The following CACNA2D2 variants were observed in gnomAD, a reference collection of about 807,000 sequenced individuals.
CACNA2D2 encodes calcium voltage-gated channel auxiliary subunit alpha2delta 2.
In CACNA2D2, 48 loss-of-function variants were observed where a neutral mutation model predicts 166.4. The ratio of observed to expected loss-of-function variants is 0.29; its 90% confidence interval spans 0.23 to 0.37. The LOEUF (loss-of-function observed/expected upper bound fraction) is 0.37. Among genes scored for constraint, CACNA2D2 ranks in the 10% least tolerant of loss-of-function variants. The pLI is 1.00. For missense variants in CACNA2D2, 1,122 were observed against 1,433.0 expected (o/e 0.78, Z 3.50); for synonymous variants, 561 against 573.7 (o/e 0.98, Z 0.32).
intron 1 of CACNA2D2, among the ~76,000 whole-genome samples, chr3:50,476,734 A>C (rs1418805777): frequency 2.0e-5 from 3 of 152,138 alleles, no homozygotes; most frequent in Non-Finnish European, 2.9e-5. Flanking sequence ...GGAGAGTTCC[A>C]GATTAGGCAG....
intron 2 of CACNA2D2, among the ~76,000 whole-genome samples, chr3:50,475,239 A>G (rs1355499710): frequency 6.6e-6 from 1 of 152,142 alleles, no homozygotes; most frequent in African/African-American, 2.4e-5. Flanking sequence ...CAACAGGAAC[A>G]CAGTGGGTAT....
At chr3:50,502,096 A>C (rs34860383) in intron 1 of CACNA2D2, among the ~76,000 whole-genome samples, 17,505 of 152,172 alleles carry the variant, frequency 0.12, 1,146 homozygotes, top group Non-Finnish European at 0.14. Flanking sequence ...GTTTTGTGGC[A>C]GAACCAGGGG....
intron 1 of CACNA2D2, among the ~76,000 whole-genome samples, chr3:50,491,589 G>A (rs1698524497): frequency 6.6e-6 from 1 of 152,224 alleles, no homozygotes; most frequent in Non-Finnish European, 1.5e-5. Context: ...TGGAGAGGTG[G>A]GAGAATTGAG....
intron 4 of CACNA2D2, among the ~76,000 whole-genome samples, chr3:50,393,794 G>T (rs1706005011): frequency 1.3e-5 from 2 of 152,180 alleles, no homozygotes; most frequent in Non-Finnish European, 2.9e-5. Context: ...AAGTCCAAAG[G>T]CCTCTGACCC....
At chr3:50,491,595 T>C (rs117305065) in intron 1 of CACNA2D2, among the ~76,000 whole-genome samples, 2 of 152,166 alleles carry the variant, frequency 1.3e-5, no homozygotes, top group East Asian at 3.9e-4. Flanking sequence ...GGTGGGAGAA[T>C]TGAGAGTGAG....
intron 1 of CACNA2D2, 40 bp from the exon 2 acceptor site, chr3:50,476,239 C>A: frequency 6.6e-7 from 1 of 1,512,622 alleles, no homozygotes; most frequent in Non-Finnish European, 9.0e-7. Flanking sequence ...GGAGGGCCTG[C>A]CCAGAGCTGC....
chr3:50,461,993 T>G (rs1709608222), intron 2 of CACNA2D2, among the ~76,000 whole-genome samples: 1 of 152,122 alleles, frequency 6.6e-6, no homozygotes, highest in Admixed American at 6.5e-5. Context: ...AAGGTAAATT[T>G]AATTTAACAG....
intron 2 of CACNA2D2, 116 bp downstream of exon 2, chr3:50,476,002 T>C: frequency 1.2e-6 from 1 of 869,010 alleles, no homozygotes; most frequent in Non-Finnish European, 1.8e-6. Flanking sequence ...GCCCATCAGG[T>C]CCCACCACAC....
At position 50,489,709 on chromosome 3, in the gene CACNA2D2, TC is replaced by T. The variant is rs570167631; in HGVS notation, c.206+13508del. Among the ~76,000 whole-genome samples the T allele has an allele frequency of 3.4e-4, 51 of 152,116 alleles. 1 individual carries two copies. The South Asian group carries it at 1.0e-2, about 30-fold the overall frequency. On this transcript the variant is annotated intron_variant, in intron 1 of 37. Coordinates refer to ENST00000424201, the MANE Select transcript of CACNA2D2 (RefSeq NM_006030.4). ...TACTCAACTCCTGCCCCTTACCTCG[TC>T]CCCCCATCAATGGCTTATCCATGGA...
chr3:50,389,206 C>T (rs1705763940), intron 4 of CACNA2D2, among the ~76,000 whole-genome samples: 1 of 152,210 alleles, frequency 6.6e-6, no homozygotes, highest in Non-Finnish European at 1.5e-5. Context: ...CGGCCTTTCC[C>T]TGCGCCCGGC....
Position 50,364,878 on chromosome 3 carries a change from C to G in CACNA2D2, c.3291+10G>C, listed in dbSNP as rs2239801. On this transcript the variant is annotated intron_variant, in intron 37 of 37. Coordinates refer to ENST00000424201, the MANE Select transcript of CACNA2D2 (RefSeq NM_006030.4). ...CGCGGGATTTCGGGTCCACCGCCCC[C>G]TCTCCTCACTGTCGCGTTGTAGTCG... 0.11 allele frequency: 169,959 copies of G among 1,613,314 alleles called. 9,431 individuals are homozygous for G. Among genetic ancestry groups the G allele is most frequent in the Non-Finnish European group, 0.11 (132,143 of 1,179,864 alleles).
Position 50,427,176 on chromosome 3 carries a change from C to T in CACNA2D2, c.405+7137G>A, listed in dbSNP as rs759489874. Among the ~76,000 whole-genome samples, 7 of 152,230 alleles carry T rather than the reference C, an allele frequency of 4.6e-5. No individual in the cohort carries two copies. The highest frequency in any genetic ancestry group is 8.8e-5 in the Non-Finnish European group (6 of 68,030). On this transcript the variant is annotated intron_variant, in intron 3 of 37. Transcript: ENST00000424201. This position sits in a 1 kb window ranked among gnomAD's most constrained non-coding sequence, Gnocchi z 4.7. Reference sequence around the variant, plus strand: ...TCTCTGACTCCCATTCCTTGGTGGTCGCTCTGCCACCGCATGCTCCCTGGT... The same window carrying T: ...TCTCTGACTCCCATTCCTTGGTGGTTGCTCTGCCACCGCATGCTCCCTGGT...
chr3:50,488,088 T>A (rs1044828742), intron 1 of CACNA2D2, among the ~76,000 whole-genome samples: 4 of 152,128 alleles, frequency 2.6e-5, no homozygotes, highest in Admixed American at 1.3e-4. Context: ...GCCTAGGGAC[T>A]GGCCAGGTGA....
intron 2 of CACNA2D2, among the ~76,000 whole-genome samples, chr3:50,440,792 G>A (rs1338156908): frequency 6.6e-6 from 1 of 152,092 alleles, no homozygotes; most frequent in African/African-American, 2.4e-5. Flanking sequence ...TATCCAGAGG[G>A]GACAGATGCC....
chr3:50,453,688 C>T (rs190012178), intron 2 of CACNA2D2, among the ~76,000 whole-genome samples: 2 of 152,208 alleles, frequency 1.3e-5, no homozygotes, highest in East Asian at 3.9e-4. Context: ...CCACCATCCT[C>T]ACGACTTCTG....
chr3:50,423,316 CAG>C (rs1707659952), intron 3 of CACNA2D2, among the ~76,000 whole-genome samples: 1 of 152,104 alleles, frequency 6.6e-6, no homozygotes, highest in African/African-American at 2.4e-5. Flanking sequence ...ACTGGGGACA[CAG>C]GGGAGGAGAG....
chr3:50,482,918 G>C (rs1206742819), intron 1 of CACNA2D2, among the ~76,000 whole-genome samples: 2 of 152,130 alleles, frequency 1.3e-5, no homozygotes, highest in Non-Finnish European at 2.9e-5. Context: ...TGATAGGGCT[G>C]GCAGAGGGCA....
chr3:50,459,657 G>A lies in CACNA2D2; in HGVS notation c.288+16461C>T, dbSNP rs185845337. On this transcript the variant is annotated intron_variant, in intron 2 of 37. Coordinates refer to ENST00000424201, the MANE Select transcript of CACNA2D2 (RefSeq NM_006030.4). ...CTAGGTGCGAACTCAGAAAAGCTTC[G>A]AGCCCCTCAGAACTCCAGCCAGGAA... is the stretch of plus-strand genomic sequence containing the variant. Among the ~76,000 whole-genome samples, 401 of 152,240 alleles carry A rather than the reference G, an allele frequency of 2.6e-3. 1 individual carries two copies. Among genetic ancestry groups the A allele is most frequent in the Middle Eastern group, 0.01 (3 of 294 alleles).
chr3:50,501,523 G>A (rs1169056252), intron 1 of CACNA2D2, among the ~76,000 whole-genome samples: 1 of 152,194 alleles, frequency 6.6e-6, no homozygotes, highest in Non-Finnish European at 1.5e-5. Context: ...TTCTGGCTGG[G>A]GACAGAGGGA....
Sources: allele counts gnomAD v4.1 joint callset (sites outside exome capture counted in the v4.1 genomes callset), GRCh38; gene constraint gnomAD v4.1.1; non-coding constraint Gnocchi (gnomAD v3.1); transcripts MANE v1.5; gene names NCBI Gene and HGNC (gene_info 2026-07-23, HGNC 2026-07-21).